ERG: variants seen among roughly 807,000 people sequenced by gnomAD.
ERG encodes the protein transcriptional regulator ERG.
Under a neutral mutation model 55.3 loss-of-function variants are expected in ERG, and 9 were observed. The observed-to-expected ratio is 0.16, with a 90% CI of 0.10 to 0.28. The LOEUF (loss-of-function observed/expected upper bound fraction) is 0.28. Ranked by LOEUF, ERG falls within the 10% of genes least tolerant of loss-of-function variation. The pLI is 1.00. For synonymous variants in ERG, 223 were observed against 237.3 expected, an observed-to-expected ratio of 0.94 and a Z score of 0.55; for missense variants, 434 against 631.6, an observed-to-expected ratio of 0.69 and a Z score of 3.35.
chr21:38,575,799 G>T, intron 1 of ERG: 1 of 1,347,420 alleles, frequency 7.4e-7, no homozygotes, highest in Non-Finnish European at 1.1e-6. Context: ...GCATTTCTGT[G>T]TTTTATGTTC....
intron 2 of ERG, among the ~76,000 whole-genome samples, chr21:38,442,319 C>CG (rs113102440): frequency 0.04 from 6,132 of 152,162 alleles, 166 homozygotes; most frequent in South Asian, 0.089. Flanking sequence ...GCTTGAACCC[C>CG]GGGGGGTGGA....
intron 1 of ERG, chr21:38,448,946 T>C (rs2058916405): frequency 6.6e-6 from 1 of 152,244 alleles, no homozygotes; most frequent in Non-Finnish European, 1.5e-5. Context: ...CTTCCTGGCC[T>C]TGACTGACAT....
chr21:38,633,983 C>T (rs1568963372), intron 1 of ERG, among the ~76,000 whole-genome samples: 1 of 151,962 alleles, frequency 6.6e-6, no homozygotes, highest in African/African-American at 2.4e-5. Context: ...ATAATGGTCT[C>T]AGATTTCCTA....
At chr21:38,547,562 GC>G (rs2059796130) in intron 2 of ERG, among the ~76,000 whole-genome samples, 1 of 152,132 alleles carries the variant, frequency 6.6e-6, no homozygotes, top group African/African-American at 2.4e-5. Flanking sequence ...ATTAAAGAGG[GC>G]GACTCGATCA....
intron 1 of ERG, among the ~76,000 whole-genome samples, chr21:38,636,177 C>T (rs1036640766): frequency 2.2e-4 from 34 of 152,200 alleles, no homozygotes; most frequent in African/African-American, 7.7e-4. Flanking sequence ...GACATGTTTG[C>T]TTCCCCTTCT....
intron 2 of ERG, 35 bp from the exon 3 acceptor site, chr21:38,423,596 C>G: frequency 6.3e-7 from 1 of 1,581,626 alleles, no homozygotes; most frequent in Non-Finnish European, 8.6e-7. Context: ...ATTATAACAG[C>G]AATCAAAGAG....
intron 1 of ERG, among the ~76,000 whole-genome samples, chr21:38,590,444 G>A (rs1389862997): frequency 6.6e-6 from 1 of 152,186 alleles, no homozygotes; most frequent in Non-Finnish European, 1.5e-5. Flanking sequence ...AAGGCACAGA[G>A]TATGAACTCA....
intron 2 of ERG, among the ~76,000 whole-genome samples, chr21:38,516,717 A>G (rs748090086): frequency 8.5e-5 from 13 of 152,100 alleles, no homozygotes; most frequent in Non-Finnish European, 1.5e-4. Context: ...TTCAAAATAT[A>G]TTACAAGGCT....
intron 2 of ERG, among the ~76,000 whole-genome samples, chr21:38,544,877 C>T (rs1427769345): frequency 6.6e-6 from 1 of 152,088 alleles, no homozygotes; most frequent in Admixed American, 6.5e-5. Flanking sequence ...TTTATCAACT[C>T]AGGGCTCTTC....
chr21:38,455,667 C>A (rs2058981411), intron 1 of ERG, among the ~76,000 whole-genome samples: 1 of 152,026 alleles, frequency 6.6e-6, no homozygotes, highest in African/African-American at 2.4e-5. Context: ...AAAATTCTGG[C>A]ACAATGGAAA....
chr21:38,374,218 A>G, the ERG span, among the ~76,000 whole-genome samples: 1 of 152,238 alleles, frequency 6.6e-6, no homozygotes, highest in Non-Finnish European at 1.5e-5. Context: ...ACAGACCCTG[A>G]CCCAATGACA....
intron 9 of ERG, among the ~76,000 whole-genome samples, chr21:38,390,029 C>T (rs981572493): frequency 6.6e-6 from 1 of 152,208 alleles, no homozygotes; most frequent in Non-Finnish European, 1.5e-5. Flanking sequence ...AGGAAATACA[C>T]ATTCCATCTT....
intron 3 of ERG, among the ~76,000 whole-genome samples, chr21:38,409,035 AAGAT>A (rs1462828196): frequency 6.6e-6 from 1 of 152,204 alleles, no homozygotes; most frequent in Non-Finnish European, 1.5e-5. Flanking sequence ...GATAAGAACT[AAGAT>A]AGATTTAATT....
At chr21:38,568,840 C>G (rs1186048028) in intron 2 of ERG, among the ~76,000 whole-genome samples, 2 of 152,194 alleles carry the variant, frequency 1.3e-5, no homozygotes, top group Non-Finnish European at 2.9e-5. Flanking sequence ...AACCCCCAGC[C>G]TCATCAAGCA....
In ERG at chr21:38,539,549, AT is replaced by A. The variant is rs566003006; in HGVS notation, c.-41+36112del. ...AGACATATAAATATAACTTTGAGTT[AT>A]TTTTAAGCATGAGAAGACAGAAATC... On this transcript the variant is annotated intron_variant, in intron 2 of 8. Coordinates refer to the ERG transcript ENST00000398897. 1.0e-3 allele frequency among the ~76,000 whole-genome samples: 158 copies of A among 152,328 alleles called. 1 individual carries two copies. The highest frequency in any genetic ancestry group is 3.7e-3 in the African/African-American group (155 of 41,580).
chr21:38,524,220 A>G (rs2059614637), intron 2 of ERG, among the ~76,000 whole-genome samples: 2 of 152,230 alleles, frequency 1.3e-5, no homozygotes, highest in Admixed American at 1.3e-4. Context: ...TTGAGCTCAC[A>G]TTTAATTACA....
chr21:38,422,666 C>A, intron 3 of ERG, among the ~76,000 whole-genome samples: 1 of 152,158 alleles, frequency 6.6e-6, no homozygotes, highest in East Asian at 1.9e-4. Context: ...TTTAGTTTGG[C>A]TAAATAAATA....
At chr21:38,550,713 A>G (rs1351585962) in intron 2 of ERG, among the ~76,000 whole-genome samples, 7 of 152,238 alleles carry the variant, frequency 4.6e-5, no homozygotes, top group Non-Finnish European at 8.8e-5. Flanking sequence ...CCAAGCTAAG[A>G]CAGCCTATTA....
intron 2 of ERG, among the ~76,000 whole-genome samples, chr21:38,513,763 C>A (rs2059531757): frequency 6.6e-6 from 1 of 151,388 alleles, no homozygotes; most frequent in South Asian, 2.1e-4. Context: ...TAGAAAAACC[C>A]AAAGAAAGAA....
Sources: gnomAD v4.1 joint callset for allele counts (sites outside exome capture counted in the v4.1 genomes callset) on GRCh38, gnomAD v4.1.1 for gene constraint, MANE v1.5 for transcripts, NCBI Gene and HGNC (gene_info 2026-07-23, HGNC 2026-07-21) for gene names.